Variants in NKAIN2 observed in about 807,000 individuals in gnomAD.
NKAIN2 encodes the protein sodium/potassium-transporting ATPase subunit beta-1-interacting protein 2.
Under a neutral mutation model 32.6 loss-of-function variants are expected in NKAIN2, and 14 were observed. The observed-to-expected ratio is 0.43, with a 90% CI of 0.28 to 0.67. The LOEUF (loss-of-function observed/expected upper bound fraction) is 0.67. NKAIN2 is among the 30% of genes least tolerant of loss of function. The pLI, the probability that NKAIN2 is intolerant of heterozygous loss-of-function variation, is 0.17. For missense variants in NKAIN2, 198 were observed against 258.3 expected (o/e 0.77, Z 1.60); for synonymous variants, 80 against 87.2 (o/e 0.92, Z 0.46).
At chr6:123,819,368 A>G (rs1280812726) in intron 1 of NKAIN2, among the ~76,000 whole-genome samples, 1 of 152,192 alleles carries the variant, frequency 6.6e-6, no homozygotes, top group Non-Finnish European at 1.5e-5. Context: ...GCCAGGACAC[A>G]CATTAGTGCA....
intron 3 of NKAIN2, among the ~76,000 whole-genome samples, chr6:124,602,073 C>T (rs1052459938): frequency 2.0e-5 from 3 of 152,010 alleles, no homozygotes; most frequent in Non-Finnish European, 2.9e-5. Flanking sequence ...GCTACCCTTT[C>T]GGGCTCCCTA....
intron 1 of NKAIN2, among the ~76,000 whole-genome samples, chr6:124,007,110 G>C (rs1780110238): frequency 6.6e-6 from 1 of 152,154 alleles, no homozygotes; most frequent in Non-Finnish European, 1.5e-5. Context: ...AGTGCTACCA[G>C]GCTACAGATC....
chr6:124,334,545 G>A (rs1299646272), intron 2 of NKAIN2, among the ~76,000 whole-genome samples: 1 of 41,612 alleles, frequency 2.4e-5, no homozygotes, highest in Non-Finnish European at 4.3e-5. Context: ...GAGTCAGTCG[G>A]TTCCTGGTGG....
intron 5 of NKAIN2, among the ~76,000 whole-genome samples, chr6:124,809,160 A>G (rs1332857260): frequency 6.6e-6 from 1 of 152,186 alleles, no homozygotes; most frequent in Non-Finnish European, 1.5e-5. Context: ...ACCAAAAAAG[A>G]GCCTGCATCG....
Position 124,475,065 on chromosome 6 carries a change from G to C in NKAIN2, c.273+119718G>C, listed in dbSNP as rs115552344. The stretch of plus-strand genomic sequence containing the variant: ...GGATATAAAGTAATGCATTGGTTCA[G>C]ACTAGATCATTCTAGAGCTAAACTA... On this transcript the variant is annotated intron_variant, in intron 3 of 6. Coordinates refer to ENST00000368417, the MANE Select transcript of NKAIN2 (RefSeq NM_001040214.3). Among the ~76,000 whole-genome samples, 1,163 of 151,814 alleles carry C rather than the reference G, an allele frequency of 7.7e-3. 15 individuals are homozygous for C. Among genetic ancestry groups the C allele is most frequent in the African/African-American group, 0.027 (1,115 of 41,446 alleles).
intron 1 of NKAIN2, among the ~76,000 whole-genome samples, chr6:124,199,619 G>A (rs1790506368): frequency 2.0e-5 from 3 of 152,102 alleles, no homozygotes; most frequent in Admixed American, 2.0e-4. Context: ...GAGAAAATAT[G>A]AATATGCATT....
In NKAIN2 at chr6:123,951,323, A is replaced by G. The variant is rs1233432271; in HGVS notation, c.54+147069A>G. On this transcript the variant is annotated intron_variant, in intron 1 of 6. Transcript: ENST00000368417. ...TTCAATATTTCTTTGTTAATTTTCC[A>G]TGTAAATGATCTATCTAATACTAAG... Among the ~76,000 whole-genome samples the G allele has an allele frequency of 2.0e-5, 3 of 151,926 alleles. No homozygotes were observed. In the East Asian group the frequency reaches 5.8e-4, roughly 29 times the overall value.
chr6:123,830,509 C>T (rs1022238175), intron 1 of NKAIN2, among the ~76,000 whole-genome samples: 3 of 152,174 alleles, frequency 2.0e-5, no homozygotes, highest in African/African-American at 7.2e-5. Flanking sequence ...ATGGCCTCAT[C>T]TGCAAAATTA....
At chr6:124,440,182 T>C (rs1264564355) in intron 3 of NKAIN2, among the ~76,000 whole-genome samples, 2 of 152,010 alleles carry the variant, frequency 1.3e-5, no homozygotes, top group Non-Finnish European at 2.9e-5. Context: ...AGCTGGAGAA[T>C]GAGTGCTCAG....
chr6:124,546,554 G>C (rs965341880), intron 3 of NKAIN2, among the ~76,000 whole-genome samples: 1 of 151,496 alleles, frequency 6.6e-6, no homozygotes, highest in Non-Finnish European at 1.5e-5. Context: ...TAGATAGATA[G>C]AGATAAAAAT....
intron 3 of NKAIN2, among the ~76,000 whole-genome samples, chr6:124,513,876 T>C (rs183737829): frequency 6.6e-6 from 1 of 152,250 alleles, no homozygotes; most frequent in East Asian, 1.9e-4. Context: ...GTGGGAACCA[T>C]GGATGTTGTC....
At chr6:124,693,797 G>A (rs1774367610) in intron 4 of NKAIN2, among the ~76,000 whole-genome samples, 1 of 152,132 alleles carries the variant, frequency 6.6e-6, no homozygotes, top group Non-Finnish European at 1.5e-5. Context: ...GGATGCATTA[G>A]CACACTGTTC....
At chr6:124,704,514 A>T (rs1774952829) in intron 4 of NKAIN2, among the ~76,000 whole-genome samples, 1 of 151,956 alleles carries the variant, frequency 6.6e-6, no homozygotes, top group Non-Finnish European at 1.5e-5. Flanking sequence ...ATAATAAAAA[A>T]ACATGTTGGA....
intron 2 of NKAIN2, among the ~76,000 whole-genome samples, chr6:124,298,028 G>A (rs1796133596): frequency 6.6e-6 from 1 of 152,082 alleles, no homozygotes; most frequent in Non-Finnish European, 1.5e-5. Flanking sequence ...CATGTGTCTT[G>A]CATAAGTAGA....
intron 2 of NKAIN2, among the ~76,000 whole-genome samples, chr6:124,327,295 C>G (rs1797456528): frequency 6.6e-6 from 1 of 152,054 alleles, no homozygotes; most frequent in South Asian, 2.1e-4. Context: ...GGAGCCATAG[C>G]TTTTAAAATT....
chr6:124,628,699 A>G (rs909180113), intron 3 of NKAIN2, among the ~76,000 whole-genome samples: 2 of 152,040 alleles, frequency 1.3e-5, no homozygotes, highest in African/African-American at 4.8e-5. Context: ...GGAAATAGAT[A>G]TGCTGGGTCC....
At chr6:124,200,942 A>G (rs1023008369) in intron 1 of NKAIN2, among the ~76,000 whole-genome samples, 6 of 152,178 alleles carry the variant, frequency 3.9e-5, no homozygotes, top group African/African-American at 1.4e-4. Flanking sequence ...AGCCGTCTTC[A>G]TTTCTACAGG....
At chr6:124,343,972 G>A (rs979418626) in intron 2 of NKAIN2, among the ~76,000 whole-genome samples, 75 of 151,474 alleles carry the variant, frequency 5.0e-4, no homozygotes, top group African/African-American at 1.7e-3. Flanking sequence ...TAGGTCTAAG[G>A]TTTAAGTCTT....
At chr6:124,746,506 T>C (rs925974937) in intron 4 of NKAIN2, among the ~76,000 whole-genome samples, 1 of 151,852 alleles carries the variant, frequency 6.6e-6, no homozygotes, top group Non-Finnish European at 1.5e-5. Flanking sequence ...AAGTTTTTAA[T>C]CACAGCATAA....
Sources: gnomAD v4.1 joint callset for allele counts (sites outside exome capture counted in the v4.1 genomes callset) on GRCh38, gnomAD v4.1.1 for gene constraint, MANE v1.5 for transcripts, NCBI Gene and HGNC (gene_info 2026-07-23, HGNC 2026-07-21) for gene names.